CLCN2: variants seen among roughly 807,000 people sequenced by gnomAD.
The protein encoded by CLCN2 is chloride channel protein 2.
A neutral mutation model predicts 108.3 loss-of-function variants in CLCN2; 72 were observed. The observed-to-expected ratio is 0.66, with a 90% CI of 0.55 to 0.81. CLCN2 has a LOEUF of 0.81. CLCN2 is among the 30% of genes least tolerant of loss of function. The probability of loss-of-function intolerance (pLI) is 0.00; values close to 1 mark genes in which losing one functional copy is unlikely to be tolerated. For missense variants in CLCN2, 1,048 were observed against 1,205.2 expected (o/e 0.87, Z 1.93); for synonymous variants, 471 against 467.1 (o/e 1.01, Z -0.11).
Position 184,353,230 on chromosome 3 carries a change from T to A in CLCN2, c.2028+20A>T. ...TCTACACAATGACATTTAGGAAGCG[T>A]TTGTGGCTTTTCCCCTCACCTGGAA... is the stretch of plus-strand genomic sequence containing the variant. On this transcript the variant is annotated intron_variant, in intron 17 of 23. Coordinates refer to ENST00000265593, the MANE Select transcript of CLCN2 (RefSeq NM_004366.6). The A allele has an allele frequency of 6.2e-7, 1 of 1,613,778 alleles. No individual in the cohort carries two copies. Among genetic ancestry groups the A allele is most frequent in the Non-Finnish European group, 8.5e-7 (1 of 1,179,746 alleles).
intron 22 of CLCN2, 30 bp from the exon 23 acceptor site, chr3:184,347,051 T>C (rs776561227): frequency 5.7e-6 from 9 of 1,584,794 alleles, no homozygotes; most frequent in South Asian, 1.1e-5. Flanking sequence ...GCGATTGGAC[T>C]TGATGGACGA....
At position 184,357,209 on chromosome 3, in the gene CLCN2, T is replaced by A. The variant is rs770192441; in HGVS notation, c.956A>T (p.Gln319Leu). 6.2e-7 allele frequency: 1 copy of A among 1,613,898 alleles called. No individual in the cohort carries two copies. Among genetic ancestry groups the A allele is most frequent in the Admixed American group, 1.7e-5 (1 of 60,008 alleles). ...AATGACAGCAAAGGCTGGCAGCTCC[T>A]GCAGGTCAAAGGGGAAGTCGAGCCG... ...RFRLDFPFDL[Q>L]ELPAFAVIGI... Residue 319 changes from glutamine to leucine, a missense_variant, in exon 9 of 24, where the codon CAG becomes CTG. Gln to Leu is a moderately radical substitution (Grantham distance 113). Coordinates refer to ENST00000265593, the MANE Select transcript of CLCN2 (RefSeq NM_004366.6).
In CLCN2 at chr3:184,352,813, G is replaced by C; in HGVS notation, c.2144-3C>G. ...GATGCCTGCCGACTCTGCGCTCCCT[G>C]TGTTCCCAAACATAAGGCCCCAGGG... On this transcript the variant is annotated splice_region_variant and splice_polypyrimidine_tract_variant and intron_variant, in intron 18 of 23. Transcript: ENST00000265593. 6.2e-7 allele frequency: 1 copy of C among 1,613,154 alleles called. No individual in the cohort carries two copies. Among genetic ancestry groups the C allele is most frequent in the Non-Finnish European group, 8.5e-7 (1 of 1,179,924 alleles).
Position 184,359,044 on chromosome 3 carries a change from C to A in CLCN2, c.151G>T (p.Gly51Cys), listed in dbSNP as rs1467574530. 1 of 1,613,566 alleles carries A rather than the reference C, an allele frequency of 6.2e-7. No individual in the cohort carries two copies. Among genetic ancestry groups the A allele is most frequent in the Non-Finnish European group, 8.5e-7 (1 of 1,180,042 alleles). The change falls in exon 2 of 24, where the codon GGT becomes TGT. Residue 51 changes from glycine (G) to cysteine (C), a missense_variant. Physicochemically the swap from Gly to Cys is radical, Grantham distance 159 (BLOSUM62 -3). Coordinates refer to ENST00000265593, the MANE Select transcript of CLCN2 (RefSeq NM_004366.6). ...GGGGCAGCCCGAGAGGAAGGGGGAC[C>A]TTTCCAGGGTTCAGGCCCTCCCAGG... ...IRLGGPEPWK[G>C]PPSSRAAPEL... is the part of the protein sequence containing the mutation.
In CLCN2 at chr3:184,346,863, C is replaced by T. The variant is rs1310608915; in HGVS notation, c.2503-63G>A. ...GTCAGACTCCTCCCCGCCTTCCTCC[C>T]CAGGTGAGCTGGACATAAGCCTCCA... On this transcript the variant is annotated intron_variant, in intron 23 of 23. Coordinates refer to ENST00000265593, the MANE Select transcript of CLCN2 (RefSeq NM_004366.6). This position sits in a 1 kb window ranked among gnomAD's most constrained non-coding sequence, Gnocchi z 6.0. 2.5e-6 allele frequency: 4 copies of T among 1,612,178 alleles called. No homozygotes were observed. Among genetic ancestry groups the T allele is most frequent in the Non-Finnish European group, 3.4e-6 (4 of 1,178,312 alleles).
In CLCN2 at chr3:184,355,583, G is replaced by A; in HGVS notation, c.1171-54C>T. 4 of 1,609,976 alleles carry A rather than the reference G, an allele frequency of 2.5e-6. No homozygotes were observed. The East Asian group carries it at 6.7e-5, about 27-fold the overall frequency. On this transcript the variant is annotated intron_variant, in intron 11 of 23. Coordinates refer to ENST00000265593, the MANE Select transcript of CLCN2 (RefSeq NM_004366.6). This position sits in a 1 kb window ranked among gnomAD's most constrained non-coding sequence, Gnocchi z 6.3. Reference sequence around the variant, plus strand: ...GAAACCGACAGGATGAAGGGAAGAGGCCATGGGATCCCACGGGGAACAAGG... The same window carrying A: ...GAAACCGACAGGATGAAGGGAAGAGACCATGGGATCCCACGGGGAACAAGG...
Position 184,361,594 on chromosome 3 carries a change from A to T in CLCN2, c.-115T>A, listed in dbSNP as rs986441892. ...CCCGTCCCCGCAGCCCGGGAGGCCGAGAGCAGAGTGCGGCGGGCCCCCGGC... is the reference window on the plus strand; with the variant it reads ...CCCGTCCCCGCAGCCCGGGAGGCCGTGAGCAGAGTGCGGCGGGCCCCCGGC... On this transcript the variant is annotated 5_prime_UTR_variant, in exon 1 of 24. Coordinates refer to ENST00000265593, the MANE Select transcript of CLCN2 (RefSeq NM_004366.6). The surrounding 1 kb of genome is among the most constrained non-coding windows in gnomAD (Gnocchi z 6.6). 30 of 1,087,246 alleles carry T rather than the reference A, an allele frequency of 2.8e-5. No homozygotes were observed. The highest frequency in any genetic ancestry group is 3.5e-5 in the Non-Finnish European group (28 of 788,898). The allele number at this position is 1,087,246 out of a possible 1,614,324, so 67.3% of individuals were successfully genotyped here.
chr3:184,357,280 C>T lies in CLCN2; in HGVS notation c.899-14G>A. ...CTGTAATAGTCTCTAAAGGGAAGAACAGCAGAGGGAGGCAGGCCTAGCCTC... is the reference window on the plus strand; with the variant it reads ...CTGTAATAGTCTCTAAAGGGAAGAATAGCAGAGGGAGGCAGGCCTAGCCTC... On this transcript the variant is annotated splice_polypyrimidine_tract_variant and intron_variant, in intron 8 of 23. Coordinates refer to ENST00000265593, the MANE Select transcript of CLCN2 (RefSeq NM_004366.6). The T allele has an allele frequency of 1.2e-6, 2 of 1,614,048 alleles. No individual in the cohort carries two copies. The highest frequency in any genetic ancestry group is 1.7e-6 in the Non-Finnish European group (2 of 1,180,028).
chr3:184,352,770 G>T lies in CLCN2; in HGVS notation c.2184C>A (p.Phe728Leu). ...ESAGIALRSL[F>L]CGSPPPEAAS... The stretch of plus-strand genomic sequence containing the variant: ...CAGCCTCAGGGGGTGGACTGCCACA[G>T]AAGAGGCTCCGGAGGGCGATGCCTG... Residue 728 changes from phenylalanine (F) to leucine (L), a missense_variant, in exon 19 of 24, where the codon TTC (phenylalanine) becomes TTA (leucine). Transcript: ENST00000265593. The T allele has an allele frequency of 6.2e-7, 1 of 1,613,268 alleles. No individual in the cohort carries two copies. Among genetic ancestry groups the T allele is most frequent in the Non-Finnish European group, 8.5e-7 (1 of 1,180,020 alleles).
In CLCN2 at chr3:184,354,309, C is replaced by T. The variant is rs1728365294; in HGVS notation, c.1513G>A (p.Ala505Thr). Residue 505 changes from alanine to threonine, a missense_variant, in exon 15 of 24, where the codon GCT (alanine) becomes ACT (threonine). Coordinates refer to ENST00000265593, the MANE Select transcript of CLCN2 (RefSeq NM_004366.6). The part of the protein sequence containing the change: ...VPGGYAVVGA[A>T]ALAGAVTHTV... Reference sequence around the variant, plus strand: ...TGTGTCACCGCTCCTGCCAGCGCAGCTGCCCCTGGGGACAGTCACACTCAG... The same window carrying T: ...TGTGTCACCGCTCCTGCCAGCGCAGTTGCCCCTGGGGACAGTCACACTCAG... 8.1e-6 allele frequency: 13 copies of T among 1,613,052 alleles called. No homozygotes were observed. Among genetic ancestry groups the T allele is most frequent in the Non-Finnish European group, 1.0e-5 (12 of 1,179,942 alleles).
In CLCN2 at chr3:184,361,420, G is replaced by A. The variant is rs143436017; in HGVS notation, c.60C>T (p.Thr20=). ...MEPRALQYEQ[T]LMYGRYTQDL... is the part of the protein sequence containing the mutation. ...GGCTCAGCTCAGCTTCACTTACCAG[G>A]GTCTGCTCGTACTGCAGCGCCCGTG... Residue 20 remains threonine, a synonymous_variant, in exon 1 of 24, where the codon ACC becomes ACT. Transcript: ENST00000265593. The surrounding 1 kb of genome is among the most constrained non-coding windows in gnomAD (Gnocchi z 6.6). The A allele has an allele frequency of 3.2e-5, 51 of 1,613,518 alleles. 1 individual carries two copies. Among genetic ancestry groups the A allele is most frequent in the Admixed American group, 2.3e-4 (14 of 59,996 alleles).
At position 184,353,264 on chromosome 3, in the gene CLCN2, A is replaced by G; in HGVS notation, c.2014T>C (p.Ser672Pro). 6.2e-7 allele frequency: 1 copy of G among 1,614,040 alleles called. No homozygotes were observed. The highest frequency in any genetic ancestry group is 2.2e-5 in the East Asian group (1 of 44,864). The change falls in exon 17 of 24, where the codon TCT (serine) becomes CCT (proline). Residue 672 changes from serine (S) to proline (P), a missense_variant. Physicochemically the swap from Ser to Pro is moderately conservative, Grantham distance 74. Transcript: ENST00000265593. ...DQEGPPTPEA[S>P]VCFQVNTEDS... ...TTTCCCCTCACCTGGAAGCAGACAG[A>G]AGCCTCAGGGGTAGGGGGACCCTCC...
rs534191894 is a variant in CLCN2, at chr3:184,358,967, G to A, written c.220+8C>T. 1 of 1,613,476 alleles carries A rather than the reference G, an allele frequency of 6.2e-7. No homozygotes were observed. The highest frequency in any genetic ancestry group is 1.7e-5 in the Admixed American group (1 of 60,026). ...AGCCAGGTCCCCTGCCCCCACCCCA[G>A]TTCTCACCGCGGCATCGGGCGCAAC... On this transcript the variant is annotated splice_region_variant and intron_variant, in intron 2 of 23. Transcript: ENST00000265593.
rs111469723 is a variant in CLCN2, at chr3:184,355,184, C to T, written c.1326+190G>A. The T allele has an allele frequency of 3.6e-4, 283 of 792,834 alleles. No homozygotes were observed. The African/African-American group carries it at 3.8e-3, about 11-fold the overall frequency. 49.1% of individuals were successfully genotyped at this position (792,834 alleles called of 1,614,324 possible). On this transcript the variant is annotated intron_variant, in intron 12 of 23. Coordinates refer to ENST00000265593, the MANE Select transcript of CLCN2 (RefSeq NM_004366.6). The surrounding 1 kb of genome is among the most constrained non-coding windows in gnomAD (Gnocchi z 6.3). ...AGCAGATGGCTTGGGTTCAGATCATCGCTCTGCCCTCTAGCTGTGTGACTT... is the reference window on the plus strand; with the variant it reads ...AGCAGATGGCTTGGGTTCAGATCATTGCTCTGCCCTCTAGCTGTGTGACTT...
Position 184,355,722 on chromosome 3 carries a change from G to A in CLCN2, c.1142C>T (p.Pro381Leu), listed in dbSNP as rs763673290. The A allele has an allele frequency of 1.9e-6, 3 of 1,613,924 alleles. No individual in the cohort carries two copies. The South Asian group carries it at 3.3e-5, about 18-fold the overall frequency. Reference sequence around the variant, plus strand: ...TCCAGCCATGAACTGTCCAAAGCCAGGGGGGAAGGTCAGCGTGGAGATGAG... The same window carrying A: ...TCCAGCCATGAACTGTCCAAAGCCAAGGGGGAAGGTCAGCGTGGAGATGAG... Reference protein sequence around the residue: ...TLLISTLTFPPGFGQFMAGQL... With the variant: ...TLLISTLTFPLGFGQFMAGQL... The change falls in exon 11 of 24, where the codon CCT becomes CTT. Residue 381 changes from proline (P) to leucine (L), a missense_variant. Coordinates refer to ENST00000265593, the MANE Select transcript of CLCN2 (RefSeq NM_004366.6). The surrounding 1 kb of genome is among the most constrained non-coding windows in gnomAD (Gnocchi z 6.3).
Position 184,357,031 on chromosome 3 carries a change from C to G in CLCN2, c.1047G>C (p.Met349Ile). 1 of 1,613,874 alleles carries G rather than the reference C, an allele frequency of 6.2e-7. No individual in the cohort carries two copies. The highest frequency in any genetic ancestry group is 8.5e-7 in the Non-Finnish European group (1 of 1,179,964). The change falls in exon 10 of 24, where the codon ATG (methionine) becomes ATC (isoleucine). Residue 349 changes from methionine to isoleucine, a missense_variant. Met to Ile is a conservative substitution (Grantham distance 10). Coordinates refer to ENST00000265593, the MANE Select transcript of CLCN2 (RefSeq NM_004366.6). Reference protein sequence around the residue: ...VYLNRKIVQVMRKQKTINRFL... With the variant: ...VYLNRKIVQVIRKQKTINRFL... ...AGCGATTGATGGTTTTCTGCTTCCGCATCACCTGGACAATCTTCCGGTTCA... is the reference window on the plus strand; with the variant it reads ...AGCGATTGATGGTTTTCTGCTTCCGGATCACCTGGACAATCTTCCGGTTCA...
chr3:184,358,606 C>T, intron 3 of CLCN2, 76 bp downstream of exon 3: 1 of 1,534,526 alleles, frequency 6.5e-7, no homozygotes, highest in South Asian at 1.2e-5. Flanking sequence ...AGACGCCTTC[C>T]TCCATGTCTA....
At chr3:184,352,941 G>A in intron 18 of CLCN2, 92 bp downstream of exon 18, 2 of 1,525,420 alleles carry the variant, frequency 1.3e-6, no homozygotes, top group African/African-American at 1.4e-5. Flanking sequence ...TCTTCCAGCT[G>A]GGATGTACCC....
rs1221054496 is a variant in CLCN2 at position 184,361,073 on chromosome 3, A to C, written c.63+344T>G. Among the ~76,000 whole-genome samples, 1 of 152,168 alleles carries C rather than the reference A, an allele frequency of 6.6e-6. No homozygotes were observed. The highest frequency in any genetic ancestry group is 1.5e-5 in the Non-Finnish European group (1 of 68,026). ...GAGATAGTGGCGTAGAGAAAGTTCA[A>C]TGGTGTGAATGGTGCCGCGGAAGGG... On this transcript the variant is annotated intron_variant, in intron 1 of 23. Coordinates refer to ENST00000265593, the MANE Select transcript of CLCN2 (RefSeq NM_004366.6). This position sits in a 1 kb window ranked among gnomAD's most constrained non-coding sequence, Gnocchi z 6.6.
Sources: allele counts gnomAD v4.1 joint callset (sites outside exome capture counted in the v4.1 genomes callset), GRCh38; gene constraint gnomAD v4.1.1; non-coding constraint Gnocchi (gnomAD v3.1); transcripts MANE v1.5; gene names NCBI Gene and HGNC (gene_info 2026-07-23, HGNC 2026-07-21).